CCP110: variants seen among roughly 807,000 people sequenced by gnomAD.
The protein encoded by CCP110 is centriolar coiled-coil protein of 110 kDa.
In CCP110, 43 loss-of-function variants were observed where a neutral mutation model predicts 105.5. The observed-to-expected ratio is 0.41, with a 90% CI of 0.32 to 0.53. CCP110 has a LOEUF of 0.53. Among genes scored for constraint, CCP110 ranks in the 20% least tolerant of loss-of-function variants. The probability of loss-of-function intolerance (pLI) is 0.32; values close to 1 mark genes in which losing one functional copy is unlikely to be tolerated. For synonymous variants in CCP110, 353 were observed against 392.1 expected (o/e 0.90, Z 1.18); for missense variants, 1,016 against 1,189.1 (o/e 0.85, Z 2.14).
At position 19,536,748 on chromosome 16, in the gene CCP110, C is replaced by A. The variant is rs1970076136; in HGVS notation, c.1079C>A (p.Ser360Ter). ...AATGTTATCAAAAGTCTTACAGGTT[C>A]ATATGCCAAATTACCTAGTCCAGAG... Residue 360 changes from serine to a stop codon, truncating the protein, a stop_gained, in exon 4 of 15, where the codon TCA (serine) becomes TAA (stop). Coordinates refer to ENST00000381396, the Ensembl canonical transcript of CCP110. LOFTEE classifies it high-confidence loss of function. 1 of 1,614,042 alleles carries A rather than the reference C, an allele frequency of 6.2e-7. No individual in the cohort carries two copies. Among genetic ancestry groups the A allele is most frequent in the Non-Finnish European group, 8.5e-7 (1 of 1,180,032 alleles).
chr16:19,542,640 G>T, exon 7 of CCP110: 1 of 1,611,892 alleles, frequency 6.2e-7, no homozygotes, highest in Non-Finnish European at 8.5e-7. Context: ...ATTCTGCCAT[G>T]CAATATAGCT....
intron 3 of CCP110, among the ~76,000 whole-genome samples, chr16:19,533,602 A>T (rs959968136): frequency 1.3e-5 from 2 of 152,214 alleles, no homozygotes; most frequent in Admixed American, 6.5e-5. Context: ...ATTCATCTCA[A>T]GCTCAATAAA....
At chr16:19,536,881 A>C in exon 4 of CCP110, 1 of 1,614,164 alleles carries the variant, frequency 6.2e-7, no homozygotes, top group Non-Finnish European at 8.5e-7. Flanking sequence ...CTAAAGGAAA[A>C]GAACAGGCAA....
intron 1 of CCP110, among the ~76,000 whole-genome samples, chr16:19,527,589 T>C (rs1969717056): frequency 6.6e-6 from 1 of 152,160 alleles, no homozygotes; most frequent in Admixed American, 6.5e-5. Context: ...TTTAAGAAGG[T>C]TTTACTGAAT....
intron 12 of CCP110, 31 bp downstream of exon 12, chr16:19,546,505 G>C (rs1232934502): frequency 2.2e-6 from 3 of 1,367,544 alleles, no homozygotes; most frequent in Middle Eastern, 1.8e-4. Flanking sequence ...TTAATGAGAG[G>C]CTTTTTGTTT....
At position 19,536,717 on chromosome 16, in the gene CCP110, G is replaced by A. The variant is rs768611357; in HGVS notation, c.1048G>A (p.Glu350Lys). 35 of 1,613,924 alleles carry A rather than the reference G, an allele frequency of 2.2e-5. No homozygotes were observed. In the Admixed American group the frequency reaches 3.7e-4, roughly 17 times the overall value. The change falls in exon 4 of 15, where the codon GAA (glutamate) becomes AAA (lysine). Residue 350 changes from glutamate (E) to lysine (K), a missense_variant. By Grantham distance (56) the Glu-to-Lys change is moderately conservative. Coordinates refer to ENST00000381396, the Ensembl canonical transcript of CCP110. ...TAAAGTTATTCCCACTTTTGTTACC[G>A]AAAATAATGTTATCAAAAGTCTTAC...
At chr16:19,549,399 GGCAA>G (rs1970562876) in intron 14 of CCP110, among the ~76,000 whole-genome samples, 1 of 152,108 alleles carries the variant, frequency 6.6e-6, no homozygotes, top group African/African-American at 2.4e-5. Context: ...TATACAATTA[GGCAA>G]ATTTTAGAGC....
intron 2 of CCP110, among the ~76,000 whole-genome samples, chr16:19,531,856 C>T (rs1473819316): frequency 1.3e-5 from 2 of 152,060 alleles, no homozygotes; most frequent in African/African-American, 4.8e-5. Flanking sequence ...AGCCCATCTA[C>T]TCCGGAGGCT....
At position 19,536,360 on chromosome 16, in the gene CCP110, C is replaced by A. The variant is rs375849116; in HGVS notation, c.691C>A (p.Leu231Met). The change falls in exon 4 of 15, where the codon CTG becomes ATG. Residue 231 changes from leucine (L) to methionine (M), a missense_variant. Physicochemically the swap from Leu to Met is conservative, Grantham distance 15. Coordinates refer to ENST00000381396, the Ensembl canonical transcript of CCP110. Reference sequence around the variant, plus strand: ...TCCCTATGTAATGAGTCTTCAGAATCTGATGAAAAAGTCAAAGGAATATAT... The same window carrying A: ...TCCCTATGTAATGAGTCTTCAGAATATGATGAAAAAGTCAAAGGAATATAT... 1.9e-6 allele frequency: 3 copies of A among 1,612,408 alleles called. No individual in the cohort carries two copies. Among genetic ancestry groups the A allele is most frequent in the Non-Finnish European group, 2.5e-6 (3 of 1,179,950 alleles).
At chr16:19,542,483 T>C in intron 6 of CCP110, 138 bp from the exon 7 acceptor site, 1 of 638,162 alleles carries the variant, frequency 1.6e-6, no homozygotes, top group Non-Finnish European at 2.7e-6. Context: ...TTAAAGTCCA[T>C]AAATATTTTA....
At chr16:19,536,310 C>A in exon 4 of CCP110, 1 of 1,613,168 alleles carries the variant, frequency 6.2e-7, no homozygotes, top group Non-Finnish European at 8.5e-7. Context: ...CAGGATCTAC[C>A]ACTTTTGGCA....
chr16:19,541,878 C>G lies in CCP110; in HGVS notation c.2050-9C>G, dbSNP rs1970298644. On this transcript the variant is annotated splice_polypyrimidine_tract_variant and intron_variant, in intron 5 of 14. Coordinates refer to ENST00000381396, the Ensembl canonical transcript of CCP110. ...GTTTAGCATGTTACAATAAACTGTTCATGTATAGGAAATAGAAGAGCAGGA... is the reference window on the plus strand; with the variant it reads ...GTTTAGCATGTTACAATAAACTGTTGATGTATAGGAAATAGAAGAGCAGGA... The G allele has an allele frequency of 6.5e-7, 1 of 1,544,844 alleles. No homozygotes were observed. Among genetic ancestry groups the G allele is most frequent in the East Asian group, 2.3e-5 (1 of 44,134 alleles).
At chr16:19,526,647 TA>T (rs1201580885) in intron 1 of CCP110, 3 of 151,798 alleles carry the variant, frequency 2.0e-5, no homozygotes, top group Non-Finnish European at 4.4e-5. Flanking sequence ...CATTATATCT[TA>T]TTTTTTTATA....
intron 2 of CCP110, among the ~76,000 whole-genome samples, chr16:19,531,661 C>T (rs1189172549): frequency 6.6e-6 from 1 of 152,144 alleles, no homozygotes; most frequent in Admixed American, 6.5e-5. Flanking sequence ...TCCAGTTGAT[C>T]CAGTGAAATA....
intron 2 of CCP110, among the ~76,000 whole-genome samples, chr16:19,531,124 G>A (rs148768065): frequency 4.0e-4 from 61 of 152,186 alleles, no homozygotes; most frequent in Non-Finnish European, 7.1e-4. Context: ...TCATTCTTTG[G>A]TACCATGCAA....
intron 1 of CCP110, 165 bp from the exon 2 acceptor site, chr16:19,527,702 A>C: frequency 2.3e-6 from 1 of 426,756 alleles, no homozygotes. Context: ...TCTTGAGGTG[A>C]ATTACCATAC....
intron 8 of CCP110, among the ~76,000 whole-genome samples, chr16:19,544,560 C>A (rs996798307): frequency 2.0e-5 from 3 of 152,082 alleles, no homozygotes; most frequent in African/African-American, 7.2e-5. Context: ...TTTAACTAAT[C>A]TAGAGATGAT....
chr16:19,544,760 T>C, intron 8 of CCP110, 37 bp from the exon 9 acceptor site: 2 of 1,084,124 alleles, frequency 1.8e-6, no homozygotes, highest in Non-Finnish European at 2.8e-6. Flanking sequence ...CAAATCTTTC[T>C]AGAAAAATGT....
chr16:19,552,870 G>C (rs1346203030), exon 15 of CCP110: 1 of 152,122 alleles, frequency 6.6e-6, no homozygotes, highest in Non-Finnish European at 1.5e-5. Context: ...TTATTGAGAT[G>C]TATCATGTAT....
Sources: allele counts gnomAD v4.1 joint callset (sites outside exome capture counted in the v4.1 genomes callset), GRCh38; gene constraint gnomAD v4.1.1; transcripts MANE v1.5; gene names NCBI Gene and HGNC (gene_info 2026-07-23, HGNC 2026-07-21).